Variants in LPIN2 observed in about 807,000 individuals in gnomAD.
The protein encoded by LPIN2 is lipin 2.
In LPIN2, 55 loss-of-function variants were observed where a neutral mutation model predicts 111.4. The ratio of observed to expected loss-of-function variants is 0.49; its 90% CI spans 0.40 to 0.62. The LOEUF (loss-of-function observed/expected upper bound fraction) is 0.62. Ranked by LOEUF, LPIN2 falls within the 20% of genes least tolerant of loss-of-function variation. The pLI is 0.00. For missense variants in LPIN2, 992 were observed against 1,112.1 expected (o/e 0.89, Z 1.54); for synonymous variants, 425 against 414.0 (o/e 1.03, Z -0.32).
chr18:2,946,038 A>AC, intron 4 of LPIN2: 1 of 1,406,092 alleles, frequency 7.1e-7, no homozygotes, highest in South Asian at 1.2e-5. Context: ...GACTCTCTAG[A>AC]CCCCGATATG....
chr18:2,945,764 A>T, intron 4 of LPIN2: 2 of 1,214,612 alleles, frequency 1.6e-6, no homozygotes, highest in Non-Finnish European at 2.4e-6. Flanking sequence ...ACAATGTGCT[A>T]TTTGCTTCTA....
At position 2,954,700 on chromosome 18, in the gene LPIN2, T is replaced by C. The variant is rs537154268; in HGVS notation, c.193-101A>G. On this transcript the variant is annotated intron_variant, in intron 2 of 19. Transcript: ENST00000677752. ...TCTCAAGTCAAACTTAGCATAGTTTTGAGGTTCCTAGAACTACAGCCTCTG... is the reference window on the plus strand; with the variant it reads ...TCTCAAGTCAAACTTAGCATAGTTTCGAGGTTCCTAGAACTACAGCCTCTG... 1.5e-3 allele frequency: 1,318 copies of C among 875,810 alleles called. 1 individual carries two copies. The highest frequency in any genetic ancestry group is 2.3e-3 in the Non-Finnish European group (1,198 of 524,782). The allele number at this position is 875,810 out of a possible 1,614,324, so 54.3% of individuals were successfully genotyped here. A position where few individuals can be genotyped will look rare whatever the true frequency, so the allele number is the denominator to read the frequency against.
At chr18:2,943,894 G>A (rs774167255) in intron 4 of LPIN2, among the ~76,000 whole-genome samples, 1 of 152,176 alleles carries the variant, frequency 6.6e-6, no homozygotes, top group Non-Finnish European at 1.5e-5. Flanking sequence ...GCTAATGGTA[G>A]TAGAATGATA....
At chr18:3,011,787 GTTCTTT>G (rs2078608594) in intron 1 of LPIN2, 1 of 152,304 alleles carries the variant, frequency 6.6e-6, no homozygotes, top group African/African-American at 2.4e-5. Context: ...GCTTCACACT[GTTCTTT>G]TTCTTCTCTG....
At chr18:2,944,117 C>G (rs1294007189) in intron 4 of LPIN2, among the ~76,000 whole-genome samples, 3 of 151,748 alleles carry the variant, frequency 2.0e-5, no homozygotes, top group African/African-American at 7.3e-5. Context: ...AAGCTCTGCA[C>G]TGCATCAAAA....
intron 1 of LPIN2, among the ~76,000 whole-genome samples, chr18:3,005,740 C>G (rs1274304739): frequency 6.6e-6 from 1 of 151,640 alleles, no homozygotes; most frequent in Non-Finnish European, 1.5e-5. Context: ...AACGTAACAA[C>G]AACGGCCAGG....
At chr18:2,969,092 C>T (rs1364783482) in intron 1 of LPIN2, among the ~76,000 whole-genome samples, 2 of 152,210 alleles carry the variant, frequency 1.3e-5, no homozygotes, top group Non-Finnish European at 2.9e-5. Context: ...TACTACCACA[C>T]TGCTTCAAAA....
chr18:2,984,639 A>G (rs910704322), intron 1 of LPIN2, among the ~76,000 whole-genome samples: 2 of 152,106 alleles, frequency 1.3e-5, no homozygotes, highest in African/African-American at 2.4e-5. Context: ...AGATGAGAAA[A>G]TATTCAACTG....
chr18:2,979,109 C>G (rs920941177), intron 1 of LPIN2: 12 of 152,470 alleles, frequency 7.9e-5, no homozygotes, highest in African/African-American at 2.9e-4. Context: ...TCCCAAAGTG[C>G]AGGATTACAG....
chr18:3,011,560 G>A (rs984346673), intron 1 of LPIN2, among the ~76,000 whole-genome samples: 2 of 152,202 alleles, frequency 1.3e-5, no homozygotes, highest in African/African-American at 4.8e-5. Flanking sequence ...GGTGGCTCAT[G>A]CCTGTAATCC....
intron 4 of LPIN2, among the ~76,000 whole-genome samples, chr18:2,943,814 G>C (rs769843540): frequency 5.3e-5 from 8 of 152,126 alleles, no homozygotes; most frequent in Admixed American, 3.9e-4. Context: ...CTGGTTGCCA[G>C]ATCTTTTTGT....
intron 4 of LPIN2, among the ~76,000 whole-genome samples, chr18:2,950,022 G>C (rs1364225308): frequency 6.6e-6 from 1 of 152,006 alleles, no homozygotes; most frequent in African/African-American, 2.4e-5. Context: ...GACTGCTTGA[G>C]TTCGGGAGTT....
At chr18:2,997,940 T>C (rs1489462593) in intron 1 of LPIN2, among the ~76,000 whole-genome samples, 1 of 152,248 alleles carries the variant, frequency 6.6e-6, no homozygotes, top group Admixed American at 6.5e-5. Flanking sequence ...AGTGTCTCCT[T>C]GTCTCAGTTA....
chr18:2,940,729 A>G lies in LPIN2; in HGVS notation c.591-17T>C. The G allele has an allele frequency of 6.9e-7, 1 of 1,447,128 alleles. No homozygotes were observed. The highest frequency in any genetic ancestry group is 9.7e-7 in the Non-Finnish European group (1 of 1,028,998). The allele number at this position is 1,447,128 out of a possible 1,614,324, so 89.6% of individuals were successfully genotyped here. On this transcript the variant is annotated splice_polypyrimidine_tract_variant and intron_variant, in intron 4 of 19. Coordinates refer to ENST00000677752, the MANE Select transcript of LPIN2 (RefSeq NM_001375808.2). ...GAAGATCCTCTGTGAAGGAGAAACCAAAGAAAGGCAGGAACGATGACATTC... is the reference window on the plus strand; with the variant it reads ...GAAGATCCTCTGTGAAGGAGAAACCGAAGAAAGGCAGGAACGATGACATTC...
At chr18:2,949,590 T>C (rs908474533) in intron 4 of LPIN2, among the ~76,000 whole-genome samples, 24 of 152,036 alleles carry the variant, frequency 1.6e-4, no homozygotes, top group Admixed American at 1.4e-3. Flanking sequence ...TAGTGAGCAA[T>C]AAAACAAGAG....
chr18:2,926,625 C>T lies in LPIN2; in HGVS notation c.1793+98G>A, dbSNP rs112137712. The stretch of plus-strand genomic sequence containing the variant: ...CAGCATGTAGTATCTGCAGAAGATA[C>T]TCCCAAGAACTAAACAAGCTGCCAA... On this transcript the variant is annotated intron_variant, in intron 13 of 19. Transcript: ENST00000677752. The T allele has an allele frequency of 1.6e-3, 1,567 of 994,826 alleles. 15 individuals carry two copies. In the African/African-American group the frequency reaches 0.022, roughly 14 times the overall value. The allele number at this position is 994,826 out of a possible 1,614,324, so 61.6% of individuals were successfully genotyped here.
intron 1 of LPIN2, among the ~76,000 whole-genome samples, chr18:2,998,580 T>A (rs965162733): frequency 2.0e-5 from 3 of 151,634 alleles, no homozygotes; most frequent in Non-Finnish European, 4.4e-5. Flanking sequence ...ATAAAGGAAA[T>A]AAAAGAGGGT....
At chr18:2,982,633 C>T (rs1567852809) in intron 1 of LPIN2, 11 of 1,052,726 alleles carry the variant, frequency 1.0e-5, no homozygotes, top group Admixed American at 2.3e-5. Context: ...GAGCAAGCAG[C>T]GAAGGGAGCA....
In LPIN2 at chr18:2,918,372, C is replaced by G. The variant is rs771817772; in HGVS notation, c.*1921G>C. 3 of 152,174 alleles carry G rather than the reference C, an allele frequency of 2.0e-5. No homozygotes were observed. Among genetic ancestry groups the G allele is most frequent in the Non-Finnish European group, 4.4e-5 (3 of 68,038 alleles). 9.4% of individuals were successfully genotyped at this position (152,174 alleles called of 1,614,324 possible). A position where few individuals can be genotyped will look rare whatever the true frequency, so the allele number is the denominator to read the frequency against. ...ACCATACATATGCAAAGAAGTCCTA[C>G]TATAAGCTCAGTTAAACACACAAAG... On this transcript the variant is annotated 3_prime_UTR_variant, in exon 20 of 20. Transcript: ENST00000677752.
Sources: allele counts gnomAD v4.1 joint callset (sites outside exome capture counted in the v4.1 genomes callset), GRCh38; gene constraint gnomAD v4.1.1; transcripts MANE v1.5; gene names NCBI Gene and HGNC (gene_info 2026-07-23, HGNC 2026-07-21).